The following CFAP54 variants were observed in gnomAD, a reference collection of about 807,000 sequenced individuals.
CFAP54 encodes the protein cilia- and flagella-associated protein 54.
A neutral mutation model predicts 370.4 loss-of-function variants in CFAP54; 290 were observed. That is an observed-to-expected ratio of 0.78 (90% confidence interval 0.71 to 0.86). The LOEUF (loss-of-function observed/expected upper bound fraction) is 0.86, where lower values mean the gene tolerates loss of function less well. CFAP54 is among the 40% of genes least tolerant of loss of function. CFAP54 has a pLI of 0.00. For synonymous variants in CFAP54, 1,206 were observed against 1,236.5 expected, an observed-to-expected ratio of 0.98 and a Z score of 0.52; for missense variants, 3,399 against 3,528.7, an observed-to-expected ratio of 0.96 and a Z score of 0.93.
chr12:96,872,282 TAA>T (rs1300415054), intron 67 of CFAP54, among the ~76,000 whole-genome samples: 3 of 152,124 alleles, frequency 2.0e-5, no homozygotes, highest in Non-Finnish European at 4.4e-5. Context: ...GTTGCCTTCT[TAA>T]AAGTGCTGAA....
chr12:96,860,688 G>A, intron 66 of CFAP54, 131 bp from the exon 67 acceptor site: 1 of 848,942 alleles, frequency 1.2e-6, no homozygotes, highest in Non-Finnish European at 1.7e-6. Context: ...GAAACTTTGT[G>A]CCTTACCTGA....
At chr12:96,774,908 C>T (rs1196132328) in intron 60 of CFAP54, among the ~76,000 whole-genome samples, 1 of 152,146 alleles carries the variant, frequency 6.6e-6, no homozygotes, top group African/African-American at 2.4e-5. Flanking sequence ...ACAGAGGCTA[C>T]TGATGCCACT....
rs893088179 is a variant in CFAP54, at chr12:96,718,868, G to T, written c.6804+346G>T. On this transcript the variant is annotated intron_variant, in intron 49 of 67. Transcript: ENST00000524981. ...AGCCTGACCAACATGGAGAAATCCT[G>T]TCTCTACTAAAAATACAAAATTAGC... is the stretch of plus-strand genomic sequence containing the variant. 2.0e-5 allele frequency among the ~76,000 whole-genome samples: 3 copies of T among 152,248 alleles called. No homozygotes were observed. In the South Asian group the frequency reaches 6.2e-4, roughly 32 times the overall value.
Position 96,815,216 on chromosome 12 carries a change from G to C in CFAP54, c.8958-2559G>C, listed in dbSNP as rs1958963453. 2.0e-5 allele frequency among the ~76,000 whole-genome samples: 3 copies of C among 152,304 alleles called. No individual in the cohort carries two copies. The South Asian group carries it at 6.2e-4, about 32-fold the overall frequency. On this transcript the variant is annotated intron_variant, in intron 64 of 67. Coordinates refer to ENST00000524981, the MANE Select transcript of CFAP54 (RefSeq NM_001306084.2). ...TTTTTCCGCATCCTCTCCAGCGTCT[G>C]TTGTTTCTTGACTATTTAATGATTG...
At chr12:96,607,373 C>G (rs1422462366) in intron 26 of CFAP54, among the ~76,000 whole-genome samples, 3 of 151,104 alleles carry the variant, frequency 2.0e-5, no homozygotes, top group Non-Finnish European at 4.4e-5. Flanking sequence ...TAAGGAGATA[C>G]AATCATGTGA....
At chr12:96,549,075 C>T (rs1955668789) in intron 15 of CFAP54, among the ~76,000 whole-genome samples, 4 of 152,126 alleles carry the variant, frequency 2.6e-5, no homozygotes, top group Non-Finnish European at 4.4e-5. Context: ...AGGATGGTCT[C>T]GATCTCCTGA....
chr12:96,503,096 C>CTT (rs1955049995), intron 2 of CFAP54, among the ~76,000 whole-genome samples: 9 of 112,360 alleles, frequency 8.0e-5, no homozygotes, highest in African/African-American at 1.9e-4. Flanking sequence ...TTCTTTCTTT[C>CTT]TCTCTCTCTC....
At chr12:96,757,797 ACATTTC>A (rs1174947494) in intron 58 of CFAP54, among the ~76,000 whole-genome samples, 1 of 152,156 alleles carries the variant, frequency 6.6e-6, no homozygotes, top group Non-Finnish European at 1.5e-5. Context: ...TTTTATATAC[ACATTTC>A]TGCCTGTGAA....
intron 63 of CFAP54, among the ~76,000 whole-genome samples, chr12:96,794,870 G>T (rs1958742671): frequency 6.6e-6 from 1 of 152,132 alleles, no homozygotes; most frequent in African/African-American, 2.4e-5. Context: ...GGGTAGACTA[G>T]GTCAGAGGGA....
intron 2 of CFAP54, 57 bp from the exon 3 acceptor site, chr12:96,503,826 CTAA>C (rs1955059192): frequency 2.3e-6 from 3 of 1,285,782 alleles, no homozygotes; most frequent in Admixed American, 3.0e-5. Context: ...TGAATATTAC[CTAA>C]TAATGATAAG....
chr12:96,803,012 C>A (rs902080959), intron 63 of CFAP54, among the ~76,000 whole-genome samples: 1 of 152,128 alleles, frequency 6.6e-6, no homozygotes, highest in Non-Finnish European at 1.5e-5. Flanking sequence ...TGAACTCATT[C>A]TTTTTAATGG....
intron 11 of CFAP54, among the ~76,000 whole-genome samples, 162 bp from the exon 12 acceptor site, chr12:96,535,353 A>G (rs1955490760): frequency 6.6e-6 from 1 of 152,160 alleles, no homozygotes; most frequent in Admixed American, 6.6e-5. Flanking sequence ...CCCAGCCAAG[A>G]TTAGTTTTCA....
At chr12:96,744,413 G>C (rs1958088408) in intron 55 of CFAP54, among the ~76,000 whole-genome samples, 1 of 151,900 alleles carries the variant, frequency 6.6e-6, no homozygotes. Flanking sequence ...ACTTTATCCA[G>C]GTCATCAGTC....
At chr12:96,730,361 A>T (rs1340313424) in intron 50 of CFAP54, among the ~76,000 whole-genome samples, 2 of 152,236 alleles carry the variant, frequency 1.3e-5, no homozygotes, top group African/African-American at 4.8e-5. Context: ...ACCGAGTCAA[A>T]TATTATAAAT....
At chr12:96,658,933 C>T (rs569503404) in intron 38 of CFAP54, among the ~76,000 whole-genome samples, 2 of 152,306 alleles carry the variant, frequency 1.3e-5, no homozygotes, top group African/African-American at 4.8e-5. Context: ...TCCCACTGTG[C>T]CCTCACAACA....
intron 60 of CFAP54, among the ~76,000 whole-genome samples, chr12:96,775,113 T>C (rs1395386590): frequency 6.6e-6 from 1 of 152,178 alleles, no homozygotes; most frequent in African/African-American, 2.4e-5. Flanking sequence ...TGTAAATGAA[T>C]GAGCATGGCT....
chr12:96,757,301 GA>G (rs1958271090), intron 57 of CFAP54, among the ~76,000 whole-genome samples, 193 bp from the exon 58 acceptor site: 1 of 152,182 alleles, frequency 6.6e-6, no homozygotes, highest in Non-Finnish European at 1.5e-5. Context: ...CTCTCTTCCA[GA>G]ACTTCCAATT....
intron 25 of CFAP54, among the ~76,000 whole-genome samples, chr12:96,598,147 C>T (rs1230884708): frequency 5.9e-5 from 9 of 151,766 alleles, no homozygotes; most frequent in East Asian, 1.9e-4. Context: ...TCATATAATA[C>T]GAAGCAAGGA....
intron 60 of CFAP54, among the ~76,000 whole-genome samples, chr12:96,783,821 G>A (rs1958603159): frequency 6.6e-6 from 1 of 152,202 alleles, no homozygotes; most frequent in Non-Finnish European, 1.5e-5. Flanking sequence ...GGGAGGAGAA[G>A]GTTGCGGTGA....
Sources: gnomAD v4.1 joint callset for allele counts (sites outside exome capture counted in the v4.1 genomes callset) on GRCh38, gnomAD v4.1.1 for gene constraint, MANE v1.5 for transcripts, NCBI Gene and HGNC (gene_info 2026-07-23, HGNC 2026-07-21) for gene names.